The following MYO16 variants were observed in gnomAD, a reference collection of about 807,000 sequenced individuals.
MYO16 encodes unconventional myosin-XVI.
MYO16 carries 94 observed loss-of-function variants against 205.3 expected under a neutral mutation model. The ratio of observed to expected loss-of-function variants is 0.46; its 90% confidence interval spans 0.39 to 0.54. MYO16 has a LOEUF of 0.54. Ranked by LOEUF, MYO16 falls within the 20% of genes least tolerant of loss-of-function variation. The pLI, the probability that MYO16 is intolerant of heterozygous loss-of-function variation, is 0.00. For synonymous variants in MYO16, 988 were observed against 954.0 expected, an observed-to-expected ratio of 1.04 and a Z score of -0.66; for missense variants, 2,315 against 2,387.5, an observed-to-expected ratio of 0.97 and a Z score of 0.63.
intron 12 of MYO16, among the ~76,000 whole-genome samples, chr13:108,879,168 G>T (rs10851223): frequency 0.16 from 23,701 of 152,118 alleles, 2,464 homozygotes; most frequent in Non-Finnish European, 0.23. Flanking sequence ...GCAAGGATTG[G>T]TTACCTGTGT....
intron 4 of MYO16, among the ~76,000 whole-genome samples, chr13:108,759,939 CAT>C (rs1384810046): frequency 1.3e-5 from 2 of 151,888 alleles, no homozygotes; most frequent in African/African-American, 4.8e-5. Flanking sequence ...TTTTTATTGA[CAT>C]ATAGTAGTTC....
chr13:108,711,409 C>T (rs1248653101), intron 2 of MYO16, among the ~76,000 whole-genome samples: 1 of 152,210 alleles, frequency 6.6e-6, no homozygotes, highest in African/African-American at 2.4e-5. Context: ...TAGATGTGAA[C>T]ATGCTTCTAT....
At chr13:108,878,883 C>G (rs1472219392) in intron 12 of MYO16, among the ~76,000 whole-genome samples, 2 of 152,218 alleles carry the variant, frequency 1.3e-5, no homozygotes, top group Non-Finnish European at 2.9e-5. Context: ...TTAGGGAACT[C>G]TCCCATTTCA....
rs943064542 is a variant in MYO16 at position 109,140,176 on chromosome 13, C to A, written c.4052-88C>A. Reference sequence around the variant, plus strand: ...CCTTGGGATTCTCGGGGCACGGGGCCGTGGCTCCCTCCGAGTCGAGCCCCG... The same window carrying A: ...CCTTGGGATTCTCGGGGCACGGGGCAGTGGCTCCCTCCGAGTCGAGCCCCG... On this transcript the variant is annotated intron_variant, in intron 31 of 34. Transcript: ENST00000457511. This position sits in a 1 kb window ranked among gnomAD's most constrained non-coding sequence, Gnocchi z 8.0. 1 of 1,540,550 alleles carries A rather than the reference C, an allele frequency of 6.5e-7. No homozygotes were observed.
chr13:108,636,649 A>T (rs567850182), intron 1 of MYO16, among the ~76,000 whole-genome samples: 327 of 152,250 alleles, frequency 2.1e-3, no homozygotes, highest in Admixed American at 3.5e-3. Flanking sequence ...AAGTGCTGGG[A>T]TTACAGGCGT....
chr13:108,550,146 T>C, the MYO16 span, among the ~76,000 whole-genome samples: 4 of 152,248 alleles, frequency 2.6e-5, no homozygotes, highest in African/African-American at 9.6e-5. Flanking sequence ...ACACTGGGCC[T>C]CAGAGACACT....
intron 4 of MYO16, among the ~76,000 whole-genome samples, chr13:108,753,363 T>A: frequency 2.9e-5 from 2 of 69,152 alleles, no homozygotes; most frequent in African/African-American, 9.2e-5. Flanking sequence ...AGAGCAAAAC[T>A]CTGTGACAAA....
chr13:109,050,745 T>G (rs1171066493), intron 24 of MYO16, among the ~76,000 whole-genome samples: 1 of 152,202 alleles, frequency 6.6e-6, no homozygotes, highest in Non-Finnish European at 1.5e-5. Flanking sequence ...TGGATTCTTA[T>G]GTTATTCAAT....
At chr13:109,079,218 A>G (rs542505211) in intron 27 of MYO16, among the ~76,000 whole-genome samples, 4 of 152,234 alleles carry the variant, frequency 2.6e-5, no homozygotes, top group African/African-American at 9.6e-5. Context: ...CTCAGAGGTC[A>G]CTGACTTCAT....
intron 14 of MYO16, among the ~76,000 whole-genome samples, chr13:108,896,689 G>T (rs918227647): frequency 2.6e-5 from 4 of 151,908 alleles, no homozygotes; most frequent in African/African-American, 9.7e-5. Context: ...CAAAGCAGCC[G>T]CGCGTGGTGG....
At chr13:109,097,013 C>T (rs747513977) in intron 27 of MYO16, among the ~76,000 whole-genome samples, 2 of 152,156 alleles carry the variant, frequency 1.3e-5, no homozygotes, top group Non-Finnish European at 2.9e-5. Context: ...ATTATCAAAC[C>T]TAACCCATGT....
chr13:108,657,292 C>T (rs1253338873), intron 1 of MYO16, among the ~76,000 whole-genome samples: 1 of 152,136 alleles, frequency 6.6e-6, no homozygotes, highest in African/African-American at 2.4e-5. Context: ...TTCCACTGGT[C>T]TAAGTGTCTA....
intron 22 of MYO16, among the ~76,000 whole-genome samples, chr13:109,014,995 T>A (rs1353149729): frequency 1.3e-5 from 2 of 152,196 alleles, no homozygotes; most frequent in Admixed American, 6.5e-5. Flanking sequence ...CTTCCAACAA[T>A]ATGTTGAATA....
At chr13:108,787,449 A>T (rs1489080066) in intron 5 of MYO16, among the ~76,000 whole-genome samples, 1 of 152,256 alleles carries the variant, frequency 6.6e-6, no homozygotes, top group Non-Finnish European at 1.5e-5. Context: ...CTACAGTAAT[A>T]AATGTTTCTT....
At chr13:108,905,423 G>A (rs188840316) in intron 15 of MYO16, among the ~76,000 whole-genome samples, 2 of 152,110 alleles carry the variant, frequency 1.3e-5, no homozygotes, top group Non-Finnish European at 2.9e-5. Context: ...CACTGGCCTC[G>A]GTGCATCTTC....
intron 4 of MYO16, among the ~76,000 whole-genome samples, chr13:108,781,981 A>G (rs1163808652): frequency 2.0e-5 from 3 of 152,190 alleles, no homozygotes; most frequent in Non-Finnish European, 2.9e-5. Flanking sequence ...AGTTTCAGGT[A>G]TGGCTTTATT....
chr13:109,150,002 G>A (rs988705998), intron 32 of MYO16, among the ~76,000 whole-genome samples: 13 of 152,128 alleles, frequency 8.5e-5, no homozygotes, highest in African/African-American at 2.9e-4. Flanking sequence ...GACTTGCTGG[G>A]GATGTGGACT....
intron 34 of MYO16, among the ~76,000 whole-genome samples, chr13:109,184,666 G>A (rs948735194): frequency 3.3e-5 from 5 of 151,874 alleles, no homozygotes; most frequent in African/African-American, 7.3e-5. Context: ...GCGCAATCTC[G>A]GCTCACTGCA....
chr13:108,876,673 T>G (rs947673002), intron 12 of MYO16, among the ~76,000 whole-genome samples: 3 of 151,242 alleles, frequency 2.0e-5, no homozygotes, highest in African/African-American at 7.3e-5. Flanking sequence ...CTCTCTCTTT[T>G]TTTTTTTTTT....
Sources: gnomAD v4.1 joint callset for allele counts (sites outside exome capture counted in the v4.1 genomes callset) on GRCh38, gnomAD v4.1.1 for gene constraint, Gnocchi (gnomAD v3.1) non-coding constraint, MANE v1.5 for transcripts, NCBI Gene and HGNC (gene_info 2026-07-23, HGNC 2026-07-21) for gene names.